Variants in CPEB1 observed in about 807,000 individuals in gnomAD.
CPEB1 encodes cytoplasmic polyadenylation element-binding protein 1.
In CPEB1, 7 loss-of-function variants were observed where a neutral mutation model predicts 65.8. The observed-to-expected ratio is 0.11, with a 90% confidence interval of 0.06 to 0.20. CPEB1 has a LOEUF of 0.20. Among genes scored for constraint, CPEB1 ranks in the 10% least tolerant of loss-of-function variants. CPEB1 has a pLI of 1.00. For synonymous variants in CPEB1, 262 were observed against 260.0 expected (o/e 1.01, Z -0.08); for missense variants, 551 against 712.2 (o/e 0.77, Z 2.58).
intron 9 of CPEB1, among the ~76,000 whole-genome samples, chr15:82,552,191 G>A (rs1477588195): frequency 6.6e-6 from 1 of 152,054 alleles, no homozygotes; most frequent in African/African-American, 2.4e-5. Flanking sequence ...AAACCAAAGT[G>A]TTGGCTACAA....
chr15:82,601,647 G>A (rs2043128080), intron 3 of CPEB1, among the ~76,000 whole-genome samples: 1 of 152,132 alleles, frequency 6.6e-6, no homozygotes. Context: ...CCAGGGTCAT[G>A]TCTTACAATA....
chr15:82,630,425 C>T (rs563464663), intron 1 of CPEB1, among the ~76,000 whole-genome samples: 36 of 152,102 alleles, frequency 2.4e-4, no homozygotes, highest in African/African-American at 4.3e-4. Flanking sequence ...GGCAACATGG[C>T]GAAACCCTGT....
intron 1 of CPEB1, among the ~76,000 whole-genome samples, chr15:82,631,193 G>C (rs1164312136): frequency 1.3e-5 from 2 of 152,074 alleles, no homozygotes; most frequent in Admixed American, 6.5e-5. Context: ...TCTAATTTAG[G>C]AATGTGTCTG....
intron 3 of CPEB1, among the ~76,000 whole-genome samples, chr15:82,585,727 A>C (rs1039830875): frequency 4.6e-5 from 7 of 152,198 alleles, no homozygotes; most frequent in Non-Finnish European, 4.4e-5. Flanking sequence ...AGTAATAAGT[A>C]AAAGATGATC....
intron 3 of CPEB1, among the ~76,000 whole-genome samples, chr15:82,574,211 T>C (rs1351810475): frequency 6.6e-6 from 1 of 152,170 alleles, no homozygotes; most frequent in Middle Eastern, 3.2e-3. Context: ...ATAAAGATTT[T>C]CACTACCATT....
chr15:82,635,356 T>C (rs1274381793), intron 1 of CPEB1, among the ~76,000 whole-genome samples: 1 of 152,218 alleles, frequency 6.6e-6, no homozygotes, highest in African/African-American at 2.4e-5. Context: ...GTAAGTCTTC[T>C]AGCCAAATTT....
At chr15:82,555,305 T>C (rs996017097) in intron 6 of CPEB1, among the ~76,000 whole-genome samples, 3 of 152,184 alleles carry the variant, frequency 2.0e-5, no homozygotes, top group Non-Finnish European at 4.4e-5. Context: ...CAGCCTAAGA[T>C]TAAATTTAAA....
At chr15:82,558,967 T>C (rs1250650415) in intron 4 of CPEB1, among the ~76,000 whole-genome samples, 1 of 142,996 alleles carries the variant, frequency 7.0e-6, no homozygotes, top group Non-Finnish European at 1.5e-5. Context: ...TTTTTTTTTT[T>C]CATCTGAAGA....
In CPEB1 at chr15:82,556,954, T is replaced by C. The variant is rs561110063; in HGVS notation, c.687+806A>G. On this transcript the variant is annotated intron_variant, in intron 5 of 12. Transcript: ENST00000684509. ...TGGGGAAGAGAAGAAGGTGGTAAAA[T>C]AAGTAATTCTATTCACTGCACATTC... 1.4e-4 allele frequency among the ~76,000 whole-genome samples: 22 copies of C among 152,296 alleles called. No individual in the cohort carries two copies. The South Asian group carries it at 4.6e-3, about 32-fold the overall frequency.
At chr15:82,647,570 G>A (rs2047683409), upstream of CPEB1, 4 of 312,416 alleles carry the variant, frequency 1.3e-5, no homozygotes, top group Non-Finnish European at 2.3e-5. Context: ...GCTCGAGGCC[G>A]CCTGGAGGCC....
intron 1 of CPEB1, among the ~76,000 whole-genome samples, chr15:82,642,324 C>A (rs1471001497): frequency 6.6e-6 from 1 of 152,214 alleles, no homozygotes; most frequent in Non-Finnish European, 1.5e-5. Flanking sequence ...GAGGCTGAGG[C>A]AGGAGGATGG....
At chr15:82,587,470 C>T (rs2041892756) in intron 3 of CPEB1, among the ~76,000 whole-genome samples, 1 of 152,146 alleles carries the variant, frequency 6.6e-6, no homozygotes, top group Non-Finnish European at 1.5e-5. Flanking sequence ...CATACCTCAG[C>T]ATATGACAAA....
chr15:82,587,946 G>C (rs1469162746), intron 3 of CPEB1, among the ~76,000 whole-genome samples: 1 of 152,032 alleles, frequency 6.6e-6, no homozygotes, highest in African/African-American at 2.4e-5. Context: ...TTTTGAGACA[G>C]GCTCTGGCTC....
chr15:82,614,039 A>C (rs971036942), intron 3 of CPEB1, among the ~76,000 whole-genome samples: 2 of 151,288 alleles, frequency 1.3e-5, no homozygotes, highest in African/African-American at 4.9e-5. Flanking sequence ...AGAGAGACAC[A>C]CACCCTGGGT....
At chr15:82,608,919 T>C (rs1048559388) in intron 3 of CPEB1, among the ~76,000 whole-genome samples, 5 of 152,168 alleles carry the variant, frequency 3.3e-5, no homozygotes, top group Non-Finnish European at 7.3e-5. Context: ...TGAAATATTC[T>C]CCAGGACAGA....
chr15:82,648,009 CG>C, upstream of CPEB1: 1 of 636,446 alleles, frequency 1.6e-6, no homozygotes. Context: ...TCCTACGAGC[CG>C]CTCCTCGGAG....
intron 11 of CPEB1, among the ~76,000 whole-genome samples, 162 bp from the exon 12 acceptor site, chr15:82,546,683 G>C (rs1039709575): frequency 6.6e-6 from 1 of 152,168 alleles, no homozygotes; most frequent in African/African-American, 2.4e-5. Flanking sequence ...TTATGGGCCT[G>C]AAGTACAGAA....
chr15:82,574,981 T>C (rs1253933722), intron 3 of CPEB1, among the ~76,000 whole-genome samples: 3 of 152,156 alleles, frequency 2.0e-5, no homozygotes, highest in Non-Finnish European at 4.4e-5. Context: ...TAGCCTACAG[T>C]AGGGCAAAAT....
intron 1 of CPEB1, chr15:82,629,208 A>G (rs2046028618): frequency 3.7e-5 from 35 of 954,300 alleles, no homozygotes; most frequent in Non-Finnish European, 4.2e-5. Flanking sequence ...CATTTGTGAA[A>G]TGGAAAAAGG....
Sources: gnomAD v4.1 joint callset for allele counts (sites outside exome capture counted in the v4.1 genomes callset) on GRCh38, gnomAD v4.1.1 for gene constraint, MANE v1.5 for transcripts, NCBI Gene and HGNC (gene_info 2026-07-23, HGNC 2026-07-21) for gene names.